ERCC6L2: variants seen among roughly 807,000 people sequenced by gnomAD.
ERCC6L2 encodes DNA excision repair protein ERCC-6-like 2.
In ERCC6L2, 77 loss-of-function variants were observed where a neutral mutation model predicts 132.0. The observed-to-expected ratio is 0.58, with a 90% CI of 0.49 to 0.71. The LOEUF (loss-of-function observed/expected upper bound fraction) is 0.71. ERCC6L2 is among the 30% of genes least tolerant of loss of function. The probability of loss-of-function intolerance (pLI) is 0.00; values close to 1 mark genes in which losing one functional copy is unlikely to be tolerated. For synonymous variants in ERCC6L2, 583 were observed against 632.4 expected, an observed-to-expected ratio of 0.92 and a Z score of 1.17; for missense variants, 1,542 against 1,837.6, an observed-to-expected ratio of 0.84 and a Z score of 2.94.
At chr9:95,945,079 G>C (rs1047680737) in intron 12 of ERCC6L2, among the ~76,000 whole-genome samples, 1 of 152,110 alleles carries the variant, frequency 6.6e-6, no homozygotes, top group South Asian at 2.1e-4. Flanking sequence ...GAATTTCCTC[G>C]TCCTAATAAG....
At chr9:95,878,984 T>C (rs1827445574) in intron 1 of ERCC6L2, among the ~76,000 whole-genome samples, 1 of 152,148 alleles carries the variant, frequency 6.6e-6, no homozygotes, top group African/African-American at 2.4e-5. Context: ...TGTGTCTTTA[T>C]AGCAGCATGA....
intron 11 of ERCC6L2, among the ~76,000 whole-genome samples, chr9:95,935,940 A>G (rs1830533659): frequency 1.3e-5 from 2 of 152,160 alleles, no homozygotes; most frequent in Non-Finnish European, 2.9e-5. Flanking sequence ...TAGTACACTT[A>G]GTTCTGTATA....
intron 19 of ERCC6L2, among the ~76,000 whole-genome samples, chr9:96,038,184 T>A (rs1056121378): frequency 1.1e-4 from 17 of 151,946 alleles, no homozygotes; most frequent in Admixed American, 2.0e-4. Flanking sequence ...TTAGCTTTTT[T>A]AAAAAAAATA....
At chr9:95,885,145 G>A (rs1181631899) in intron 2 of ERCC6L2, among the ~76,000 whole-genome samples, 4 of 151,968 alleles carry the variant, frequency 2.6e-5, no homozygotes, top group Admixed American at 6.6e-5. Flanking sequence ...AATTTTTCCC[G>A]ATACCTTCTG....
At chr9:95,961,503 G>A (rs1371940233) in intron 13 of ERCC6L2, among the ~76,000 whole-genome samples, 1 of 152,158 alleles carries the variant, frequency 6.6e-6, no homozygotes, top group Non-Finnish European at 1.5e-5. Flanking sequence ...TTCTATTGTT[G>A]TAAGACATCC....
intron 17 of ERCC6L2, among the ~76,000 whole-genome samples, chr9:95,981,857 G>A (rs1832906241): frequency 6.6e-6 from 1 of 152,104 alleles, no homozygotes; most frequent in African/African-American, 2.4e-5. Context: ...TTCAATTAAG[G>A]ATTAATCACT....
At chr9:96,001,901 T>C (rs375670847) in intron 17 of ERCC6L2, among the ~76,000 whole-genome samples, 14 of 152,218 alleles carry the variant, frequency 9.2e-5, no homozygotes, top group Middle Eastern at 3.2e-3. Flanking sequence ...AAATCGAGCG[T>C]AGCACCAGTG....
rs1400259228 is a variant in ERCC6L2 at position 95,937,492 on chromosome 9, A to G, written c.1752-3962A>G. ...CTGGAGGGGTTATTTTTTTTCCCTA[A>G]GAGTTTTGAAAATAACATACTCAAT... On this transcript the variant is annotated intron_variant, in intron 11 of 18. Coordinates refer to ENST00000653738, the MANE Select transcript of ERCC6L2 (RefSeq NM_020207.7). Among the ~76,000 whole-genome samples, 4 of 152,002 alleles carry G rather than the reference A, an allele frequency of 2.6e-5. No homozygotes were observed. In the East Asian group the frequency reaches 7.7e-4, roughly 29 times the overall value.
intron 13 of ERCC6L2, among the ~76,000 whole-genome samples, chr9:95,965,795 G>A (rs376279529): frequency 2.1e-4 from 32 of 152,176 alleles, no homozygotes; most frequent in African/African-American, 7.7e-4. Context: ...ACAGGCATGA[G>A]CCATTGCACC....
At chr9:95,957,469 T>C (rs1368366091) in intron 13 of ERCC6L2, among the ~76,000 whole-genome samples, 2 of 151,840 alleles carry the variant, frequency 1.3e-5, no homozygotes, top group Non-Finnish European at 2.9e-5. Context: ...CTAACCTATT[T>C]AACCAACCTT....
At chr9:95,929,614 A>G (rs1303201323) in intron 11 of ERCC6L2, among the ~76,000 whole-genome samples, 1 of 152,246 alleles carries the variant, frequency 6.6e-6, no homozygotes, top group Non-Finnish European at 1.5e-5. Flanking sequence ...GGAATAAAAT[A>G]TACTTATGAA....
intron 19 of ERCC6L2, among the ~76,000 whole-genome samples, chr9:96,029,330 A>C (rs1017567037): frequency 8.6e-5 from 13 of 150,910 alleles, no homozygotes; most frequent in South Asian, 8.4e-4. Context: ...AAAACAAAAA[A>C]AAAATTAGGA....
chr9:96,018,162 C>G lies in ERCC6L2; in HGVS notation c.*4959C>G, dbSNP rs545982300. On this transcript the variant is annotated 3_prime_UTR_variant, in exon 19 of 19. Transcript: ENST00000653738. ...GCAAAGTGGCCTGAAGATGGATGGTCGTGATGGTTGCACAGCAATGTGAAT... is the reference window on the plus strand; with the variant it reads ...GCAAAGTGGCCTGAAGATGGATGGTGGTGATGGTTGCACAGCAATGTGAAT... Among the ~76,000 whole-genome samples, 2 of 152,012 alleles carry G rather than the reference C, an allele frequency of 1.3e-5. No homozygotes were observed. The highest frequency in any genetic ancestry group is 2.9e-5 in the Non-Finnish European group (2 of 68,006).
chr9:96,006,552 G>C (rs1315054626), intron 18 of ERCC6L2, among the ~76,000 whole-genome samples: 1 of 152,246 alleles, frequency 6.6e-6, no homozygotes, highest in African/African-American at 2.4e-5. Flanking sequence ...AGTAGCAGCA[G>C]CTGGAGGGCA....
chr9:95,998,486 G>C (rs1476479433), intron 17 of ERCC6L2, among the ~76,000 whole-genome samples: 1 of 152,174 alleles, frequency 6.6e-6, no homozygotes, highest in Non-Finnish European at 1.5e-5. Flanking sequence ...CTTTGCTCGT[G>C]GATTATCTGG....
At chr9:95,943,838 A>T (rs1260750307) in intron 12 of ERCC6L2, among the ~76,000 whole-genome samples, 2 of 152,220 alleles carry the variant, frequency 1.3e-5, no homozygotes, top group Non-Finnish European at 2.9e-5. Context: ...CTATTGTAAA[A>T]ATAAAAGCAA....
chr9:96,007,712 C>T (rs1833905833), intron 18 of ERCC6L2, among the ~76,000 whole-genome samples: 1 of 151,954 alleles, frequency 6.6e-6, no homozygotes, highest in Non-Finnish European at 1.5e-5. Context: ...ACTCTTGGTT[C>T]CAGGGGCACG....
chr9:95,928,486 A>T (rs946181282), intron 10 of ERCC6L2, among the ~76,000 whole-genome samples: 3 of 152,208 alleles, frequency 2.0e-5, no homozygotes, highest in Non-Finnish European at 4.4e-5. Flanking sequence ...TTGTTTCTTA[A>T]AAATGAAAAG....
At chr9:95,987,024 C>T (rs1450873860) in intron 17 of ERCC6L2, among the ~76,000 whole-genome samples, 4 of 152,194 alleles carry the variant, frequency 2.6e-5, no homozygotes, top group Non-Finnish European at 5.9e-5. Flanking sequence ...TAAACCATCA[C>T]ATCTCATGAG....
Sources: gnomAD v4.1 joint callset for allele counts (sites outside exome capture counted in the v4.1 genomes callset) on GRCh38, gnomAD v4.1.1 for gene constraint, MANE v1.5 for transcripts, NCBI Gene and HGNC (gene_info 2026-07-23, HGNC 2026-07-21) for gene names.